UNC5D: variants seen among roughly 807,000 people sequenced by gnomAD.
UNC5D encodes unc-5 netrin receptor D, also known as netrin receptor UNC5D.
Under a neutral mutation model 105.4 loss-of-function variants are expected in UNC5D, and 39 were observed. That is an observed-to-expected ratio of 0.37 (90% CI 0.29 to 0.48). The LOEUF (loss-of-function observed/expected upper bound fraction) is 0.48. Among genes scored for constraint, UNC5D ranks in the 20% least tolerant of loss-of-function variants. The pLI is 0.98. For missense variants in UNC5D, 991 were observed against 1,202.4 expected (o/e 0.82, Z 2.60); for synonymous variants, 452 against 450.4 (o/e 1.00, Z -0.04).
At chr8:35,749,288 C>A (rs1204600016) in intron 12 of UNC5D, among the ~76,000 whole-genome samples, 3 of 152,114 alleles carry the variant, frequency 2.0e-5, no homozygotes, top group Admixed American at 6.6e-5. Context: ...AAGACATTAA[C>A]AACAGGGAAG....
intron 11 of UNC5D, among the ~76,000 whole-genome samples, chr8:35,737,847 T>C (rs1179051606): frequency 6.6e-6 from 1 of 152,116 alleles, no homozygotes; most frequent in Non-Finnish European, 1.5e-5. Flanking sequence ...TGTCTCACGC[T>C]TGTAATCCCA....
intron 1 of UNC5D, among the ~76,000 whole-genome samples, chr8:35,535,858 A>G (rs1814798495): frequency 6.6e-6 from 1 of 152,204 alleles, no homozygotes; most frequent in Non-Finnish European, 1.5e-5. Context: ...TTATATGCCT[A>G]CAATATCCAA....
chr8:35,648,271 A>C (rs768591819), intron 4 of UNC5D, among the ~76,000 whole-genome samples: 5 of 152,194 alleles, frequency 3.3e-5, no homozygotes, highest in Non-Finnish European at 5.9e-5. Flanking sequence ...ATCCAGAAAC[A>C]ACCGTTTACC....
intron 4 of UNC5D, among the ~76,000 whole-genome samples, chr8:35,676,246 T>C (rs1160161582): frequency 6.6e-6 from 1 of 152,210 alleles, no homozygotes; most frequent in Non-Finnish European, 1.5e-5. Flanking sequence ...TTGCAGACCA[T>C]CTGTACATAA....
intron 1 of UNC5D, among the ~76,000 whole-genome samples, chr8:35,518,734 T>A (rs1813274274): frequency 6.6e-6 from 1 of 152,162 alleles, no homozygotes; most frequent in South Asian, 2.1e-4. Flanking sequence ...TAATGCTGTT[T>A]GGCAGACAGA....
At chr8:35,416,367 G>C (rs1390457324) in intron 1 of UNC5D, among the ~76,000 whole-genome samples, 1 of 152,038 alleles carries the variant, frequency 6.6e-6, no homozygotes, top group East Asian at 1.9e-4. Flanking sequence ...AGAAAGAAAA[G>C]TTCACGTTGT....
intron 1 of UNC5D, among the ~76,000 whole-genome samples, chr8:35,327,352 C>T (rs1810245525): frequency 6.6e-6 from 1 of 152,160 alleles, no homozygotes; most frequent in African/African-American, 2.4e-5. Flanking sequence ...TTCTGCATGC[C>T]TGCTTCCCAC....
intron 1 of UNC5D, among the ~76,000 whole-genome samples, chr8:35,324,610 A>C (rs1528707): frequency 0.098 from 14,848 of 152,196 alleles, 841 homozygotes; most frequent in East Asian, 0.21. Context: ...TAATGATTAA[A>C]CTTGGTGTTT....
intron 2 of UNC5D, among the ~76,000 whole-genome samples, chr8:35,553,444 A>T (rs961201678): frequency 6.6e-6 from 1 of 152,174 alleles, no homozygotes; most frequent in African/African-American, 2.4e-5. Context: ...TGAGTATATT[A>T]TATACCGATT....
chr8:35,572,804 CTTT>C (rs34528421), intron 3 of UNC5D, among the ~76,000 whole-genome samples: 3 of 135,862 alleles, frequency 2.2e-5, no homozygotes, highest in Non-Finnish European at 3.2e-5. Flanking sequence ...TTTTATATTT[CTTT>C]TTTTTTTTTT....
chr8:35,666,903 C>T (rs1326368099), intron 4 of UNC5D, among the ~76,000 whole-genome samples: 3 of 152,102 alleles, frequency 2.0e-5, no homozygotes, highest in Non-Finnish European at 4.4e-5. Context: ...TATCCATGAT[C>T]CACACTGTGT....
chr8:35,677,642 A>C (rs1020355953), intron 4 of UNC5D, among the ~76,000 whole-genome samples: 2 of 152,186 alleles, frequency 1.3e-5, no homozygotes, highest in Admixed American at 1.3e-4. Context: ...GCCATCAGTT[A>C]AATGGATAAA....
intron 4 of UNC5D, among the ~76,000 whole-genome samples, chr8:35,612,417 G>A (rs896405794): frequency 6.6e-6 from 1 of 152,064 alleles, no homozygotes; most frequent in Non-Finnish European, 1.5e-5. Flanking sequence ...GACAGGGTGG[G>A]GTGGGTAATT....
intron 4 of UNC5D, among the ~76,000 whole-genome samples, chr8:35,614,633 C>T (rs1232796296): frequency 1.3e-5 from 2 of 151,820 alleles, no homozygotes; most frequent in African/African-American, 2.4e-5. Context: ...TCTCTGAAAA[C>T]ATTTCCATAA....
At chr8:35,718,407 A>G (rs1828379276) in intron 8 of UNC5D, among the ~76,000 whole-genome samples, 1 of 152,166 alleles carries the variant, frequency 6.6e-6, no homozygotes, top group Non-Finnish European at 1.5e-5. Context: ...GTATGTGTAA[A>G]TGTAAATGAA....
chr8:35,540,014 T>C (rs1171693037), intron 1 of UNC5D, among the ~76,000 whole-genome samples: 1 of 152,212 alleles, frequency 6.6e-6, no homozygotes, highest in Non-Finnish European at 1.5e-5. Context: ...TGTCATTCAA[T>C]GTTGCATTAA....
rs192358875 is a variant in UNC5D at position 35,338,816 on chromosome 8, C to A, written c.103+102929C>A. On this transcript the variant is annotated intron_variant, in intron 1 of 16. Coordinates refer to ENST00000404895, the MANE Select transcript of UNC5D (RefSeq NM_080872.4). Reference sequence around the variant, plus strand: ...GCCCTGATTTGCCTTGTTAAATGCACCCTGACCGACTTCTGCCCTGAATTC... The same window carrying A: ...GCCCTGATTTGCCTTGTTAAATGCAACCTGACCGACTTCTGCCCTGAATTC... Among the ~76,000 whole-genome samples the A allele has an allele frequency of 1.1e-4, 17 of 152,248 alleles. No homozygotes were observed. In the East Asian group the frequency reaches 3.1e-3, roughly 28 times the overall value.
At chr8:35,605,484 G>A (rs1483072605) in intron 4 of UNC5D, among the ~76,000 whole-genome samples, 3 of 152,178 alleles carry the variant, frequency 2.0e-5, no homozygotes, top group African/African-American at 7.2e-5. Flanking sequence ...TAGGCTACTT[G>A]GCGGTCAGGG....
rs368299857 is a variant in UNC5D, at chr8:35,459,201, C to A, written c.104-90091C>A. 2.2e-4 allele frequency among the ~76,000 whole-genome samples: 33 copies of A among 152,204 alleles called. No homozygotes were observed. The East Asian group carries it at 6.0e-3, about 28-fold the overall frequency. On this transcript the variant is annotated intron_variant, in intron 1 of 16. Transcript: ENST00000404895. ...TCTGACTGCATAAATAATTCTGGCT[C>A]CTTAAGGATTAACACCATTTGTTTC...
Sources: gnomAD v4.1 joint callset for allele counts (sites outside exome capture counted in the v4.1 genomes callset) on GRCh38, gnomAD v4.1.1 for gene constraint, MANE v1.5 for transcripts, NCBI Gene and HGNC (gene_info 2026-07-23, HGNC 2026-07-21) for gene names.